SUMF1: variants seen among roughly 807,000 people sequenced by gnomAD.
SUMF1 encodes sulfatase modifying factor 1.
A neutral mutation model predicts 47.6 loss-of-function variants in SUMF1; 48 were observed. The observed-to-expected ratio is 1.01, with a 90% CI of 0.80 to 1.28. The LOEUF is 1.28. SUMF1 is among the 50% of genes most tolerant of loss of function. SUMF1 has a pLI of 0.00. For synonymous variants in SUMF1, 230 were observed against 192.1 expected (o/e 1.20, Z -1.63); for missense variants, 571 against 485.4 (o/e 1.18, Z -1.66).
chr3:4,328,517 T>C (rs929642670), intron 8 of SUMF1, among the ~76,000 whole-genome samples: 4 of 152,112 alleles, frequency 2.6e-5, no homozygotes, highest in African/African-American at 7.2e-5. Context: ...GCAAGAGAAC[T>C]TGTGCAAATA....
At chr3:4,078,995 C>T (rs571226808) in intron 8 of SUMF1, among the ~76,000 whole-genome samples, 15 of 152,194 alleles carry the variant, frequency 9.9e-5, no homozygotes, top group African/African-American at 2.9e-4. Flanking sequence ...GATGTTTTCT[C>T]GGGAAGCTCT....
At chr3:4,293,547 T>A (rs528768753) in intron 8 of SUMF1, among the ~76,000 whole-genome samples, 1 of 152,332 alleles carries the variant, frequency 6.6e-6, no homozygotes, top group South Asian at 2.1e-4. Context: ...AAGAGAGACA[T>A]AATCTTATAT....
chr3:4,387,723 TTCCCTC>T (rs1488717608), intron 7 of SUMF1, among the ~76,000 whole-genome samples: 1 of 152,046 alleles, frequency 6.6e-6, no homozygotes, highest in Non-Finnish European at 1.5e-5. Context: ...TTCTGCAAAT[TTCCCTC>T]TTAGCACTGT....
chr3:4,275,653 C>T (rs1292470388), intron 8 of SUMF1, among the ~76,000 whole-genome samples: 2 of 152,120 alleles, frequency 1.3e-5, no homozygotes, highest in Admixed American at 6.6e-5. Flanking sequence ...GGGGATGAGG[C>T]CAACTTCTCC....
intron 9 of SUMF1, among the ~76,000 whole-genome samples, chr3:4,062,990 G>T (rs890446715): frequency 1.3e-5 from 2 of 152,094 alleles, no homozygotes; most frequent in Non-Finnish European, 2.9e-5. Flanking sequence ...TTTCTGGAAG[G>T]AAAGATGTCC....
intron 9 of SUMF1, among the ~76,000 whole-genome samples, chr3:4,036,539 T>A (rs1308683689): frequency 6.6e-6 from 1 of 151,462 alleles, no homozygotes; most frequent in African/African-American, 2.4e-5. Context: ...TAGGCCTGAG[T>A]GAAGGCTGCT....
chr3:4,369,373 G>C (rs1034668295), intron 8 of SUMF1, among the ~76,000 whole-genome samples: 1 of 152,168 alleles, frequency 6.6e-6, no homozygotes, highest in Non-Finnish European at 1.5e-5. Flanking sequence ...AATGACTAGA[G>C]GTGACCATGC....
chr3:4,313,670 A>G (rs754391341), intron 8 of SUMF1: 2 of 1,613,894 alleles, frequency 1.2e-6, no homozygotes, highest in African/African-American at 2.7e-5. Context: ...CCCGTAGAAA[A>G]GTCGAACATC....
intron 9 of SUMF1, among the ~76,000 whole-genome samples, chr3:4,068,107 T>G (rs1245479563): frequency 3.3e-5 from 5 of 152,194 alleles, no homozygotes; most frequent in Admixed American, 3.3e-4. Context: ...CCAGGCAGAA[T>G]TAGGTTCATC....
At chr3:4,436,786 A>G (rs1456524139) in intron 3 of SUMF1, among the ~76,000 whole-genome samples, 1 of 151,888 alleles carries the variant, frequency 6.6e-6, no homozygotes, top group Non-Finnish European at 1.5e-5. Flanking sequence ...GATAAATACA[A>G]GAAATCAACA....
At chr3:4,071,748 C>G (rs1358962618) in intron 8 of SUMF1, among the ~76,000 whole-genome samples, 2 of 152,188 alleles carry the variant, frequency 1.3e-5, no homozygotes, top group African/African-American at 4.8e-5. Flanking sequence ...TCTCTAGATT[C>G]CATCTCTGTG....
At chr3:4,316,127 T>G (rs1698633006) in intron 8 of SUMF1, 1 of 570,424 alleles carries the variant, frequency 1.8e-6, no homozygotes, top group Admixed American at 3.0e-5. Flanking sequence ...TTCTTAAATG[T>G]GGTCATGTTA....
Position 4,325,315 on chromosome 3 carries a change from G to C in SUMF1, c.1014+51015C>G, listed in dbSNP as rs1029263441. ...GGCTAGTATCCACATGGCTAGGAAG[G>C]CTCATTTCTAAGATGTCATGAAGTC... On this transcript the variant is annotated intron_variant and NMD_transcript_variant, in intron 8 of 12. Coordinates refer to the SUMF1 transcript ENST00000448413. 1.7e-4 allele frequency among the ~76,000 whole-genome samples: 26 copies of C among 151,916 alleles called. 1 individual carries two copies. The highest frequency in any genetic ancestry group is 1.9e-4 in the African/African-American group (8 of 41,348).
chr3:4,338,294 A>G (rs538627995), intron 8 of SUMF1, among the ~76,000 whole-genome samples: 1 of 152,238 alleles, frequency 6.6e-6, no homozygotes, highest in South Asian at 2.1e-4. Flanking sequence ...AGAAAAAAAA[A>G]AAAGATACTT....
chr3:4,355,752 C>T (rs906253074), intron 8 of SUMF1, among the ~76,000 whole-genome samples: 9 of 152,140 alleles, frequency 5.9e-5, no homozygotes, highest in Admixed American at 1.3e-4. Context: ...GACCCAAGGG[C>T]GGGAGAGCAA....
At chr3:4,060,363 T>C (rs1192226040) in intron 9 of SUMF1, among the ~76,000 whole-genome samples, 1 of 152,228 alleles carries the variant, frequency 6.6e-6, no homozygotes, top group Non-Finnish European at 1.5e-5. Context: ...ATCCCAGGAA[T>C]GCCACTGTGT....
intron 8 of SUMF1, among the ~76,000 whole-genome samples, chr3:4,095,479 A>G (rs1692881293): frequency 1.3e-5 from 2 of 152,206 alleles, no homozygotes; most frequent in South Asian, 4.2e-4. Flanking sequence ...ACCACACAAG[A>G]TTTAAGAGCC....
chr3:4,076,450 T>C (rs549732745), intron 8 of SUMF1, among the ~76,000 whole-genome samples: 2 of 152,056 alleles, frequency 1.3e-5, no homozygotes, highest in Non-Finnish European at 2.9e-5. Flanking sequence ...ACTTCATGAA[T>C]ACAATACCAA....
chr3:4,115,361 C>T (rs566151440), intron 8 of SUMF1, among the ~76,000 whole-genome samples: 2 of 152,236 alleles, frequency 1.3e-5, no homozygotes, highest in Admixed American at 6.5e-5. Flanking sequence ...TCCTGGTACA[C>T]CAAGGCAAGA....
Sources: allele counts gnomAD v4.1 joint callset (sites outside exome capture counted in the v4.1 genomes callset), GRCh38; gene constraint gnomAD v4.1.1; transcripts MANE v1.5; gene names NCBI Gene and HGNC (gene_info 2026-07-23, HGNC 2026-07-21).